The following SUMF2 variants were observed in gnomAD, a reference collection of about 807,000 sequenced individuals.
The protein encoded by SUMF2 is sulfatase modifying factor 2, also known as inactive C-alpha-formylglycine-generating enzyme 2.
In SUMF2, 45 loss-of-function variants were observed where a neutral mutation model predicts 44.8. The ratio of observed to expected loss-of-function variants is 1.00; its 90% CI spans 0.79 to 1.29. The LOEUF (loss-of-function observed/expected upper bound fraction) is 1.29, where lower values mean the gene tolerates loss of function less well. Ranked by LOEUF, SUMF2 falls within the 50% of genes most tolerant of loss-of-function variation. The pLI, the probability that SUMF2 is intolerant of heterozygous loss-of-function variation, is 0.00. For synonymous variants in SUMF2, 148 were observed against 150.4 expected, an observed-to-expected ratio of 0.98 and a Z score of 0.12; for missense variants, 418 against 389.9, an observed-to-expected ratio of 1.07 and a Z score of -0.61.
intron 2 of SUMF2, among the ~76,000 whole-genome samples, chr7:56,072,488 G>A (rs1324950065): frequency 1.3e-5 from 2 of 150,500 alleles, no homozygotes; most frequent in African/African-American, 4.9e-5. Context: ...CCTTTGGGAG[G>A]CCGAGGCAGG....
chr7:56,083,227 G>A (rs1277490610), downstream of SUMF2: 1 of 1,563,876 alleles, frequency 6.4e-7, no homozygotes, highest in African/African-American at 1.4e-5. Context: ...TCTGCAGATG[G>A]TTGATTGAGC....
chr7:56,065,991 G>A (rs1448111450), intron 1 of SUMF2, among the ~76,000 whole-genome samples: 7 of 141,110 alleles, frequency 5.0e-5, no homozygotes, highest in African/African-American at 1.9e-4. Context: ...TGAGGCGGGA[G>A]AATCGCTTGA....
At chr7:56,065,504 T>A (rs1156381524) in intron 1 of SUMF2, among the ~76,000 whole-genome samples, 1 of 152,254 alleles carries the variant, frequency 6.6e-6, no homozygotes, top group Non-Finnish European at 1.5e-5. Context: ...GCTGGCTGAA[T>A]TAGGGACAAA....
At position 56,071,812 on chromosome 7, in the gene SUMF2, A is replaced by ATAAATAAATAAATAAT. The variant is rs1175317309; in HGVS notation, c.225-1182_225-1181insATAAATAAATAATTAA. ...AATAAATAAATAAATAAATAAATAA[A>ATAAATAAATAAATAAT]TAATTAAATAAAAAATAATTTGGGC... is the stretch of plus-strand genomic sequence containing the variant. On this transcript the variant is annotated intron_variant, in intron 2 of 8. Coordinates refer to ENST00000434526, the MANE Select transcript of SUMF2 (RefSeq NM_015411.4). Among the ~76,000 whole-genome samples, 97 of 149,702 alleles carry ATAAATAAATAAATAAT rather than the reference A, an allele frequency of 6.5e-4. 1 individual carries two copies. Among genetic ancestry groups the ATAAATAAATAAATAAT allele is most frequent in the African/African-American group, 2.3e-3 (93 of 40,660 alleles).
At chr7:56,074,331 T>C in intron 4 of SUMF2, 113 bp downstream of exon 4, 1 of 1,232,782 alleles carries the variant, frequency 8.1e-7, no homozygotes, top group Non-Finnish European at 1.2e-6. Context: ...CAAAGAAGGA[T>C]AGGGGAATAT....
At chr7:56,064,548 A>G (rs1759106355) in intron 1 of SUMF2, among the ~76,000 whole-genome samples, 170 bp downstream of exon 1, 1 of 151,616 alleles carries the variant, frequency 6.6e-6, no homozygotes, top group South Asian at 2.1e-4. Flanking sequence ...ATACTTTTCA[A>G]CTTCTTGTTG....
At chr7:56,073,881 C>T (rs1046368828) in intron 3 of SUMF2, 2 of 466,118 alleles carry the variant, frequency 4.3e-6, no homozygotes, top group Non-Finnish European at 7.6e-6. Flanking sequence ...TGGGCATGGT[C>T]ATGCACACCT....
At chr7:56,087,585 G>A in the SUMF2 span, 2 of 1,610,114 alleles carry the variant, frequency 1.2e-6, no homozygotes, top group South Asian at 2.2e-5. Flanking sequence ...TGTGGCTTGG[G>A]GCCATCACTC....
rs1247222774 is a variant in SUMF2, at chr7:56,080,379, T to G, written c.*767T>G. The G allele has an allele frequency of 2.0e-5, 3 of 148,974 alleles. No individual in the cohort carries two copies. The highest frequency in any genetic ancestry group is 7.7e-5 in the African/African-American group (3 of 38,884). The allele number at this position is 148,974 out of a possible 1,614,324, so 9.2% of individuals were successfully genotyped here. On this transcript the variant is annotated 3_prime_UTR_variant, in exon 9 of 9. Coordinates refer to ENST00000434526, the MANE Select transcript of SUMF2 (RefSeq NM_015411.4). ...CCTGGGCCCAAGCAATTCTCCCACC[T>G]CAGCCTCCTGAGTAGCTGGGACTAC...
At chr7:56,081,186 G>T, downstream of SUMF2, 1 of 1,613,938 alleles carries the variant, frequency 6.2e-7, no homozygotes, top group Non-Finnish European at 8.5e-7. The surrounding 1 kb of genome is among the most constrained non-coding windows in gnomAD (Gnocchi z 4.6). Context: ...CGATGAGCCG[G>T]CGCAGAGGCC....
intron 5 of SUMF2, chr7:56,076,617 A>C (rs1795566994): frequency 2.3e-6 from 1 of 437,020 alleles, no homozygotes; most frequent in South Asian, 5.6e-5. Context: ...AACCATGCTT[A>C]GGATTACATT....
At chr7:56,081,430 C>T, downstream of SUMF2, 2 of 1,296,978 alleles carry the variant, frequency 1.5e-6, no homozygotes, top group Admixed American at 2.4e-5. The surrounding 1 kb of genome is among the most constrained non-coding windows in gnomAD (Gnocchi z 4.6). Flanking sequence ...CCTAGTGTCC[C>T]CCACTTCCCA....
intron 1 of SUMF2, among the ~76,000 whole-genome samples, chr7:56,066,443 TTTTATTTA>T (rs1156522347): frequency 6.6e-6 from 1 of 152,066 alleles, no homozygotes; most frequent in African/African-American, 2.4e-5. Flanking sequence ...CTTTTTTATT[TTTTATTTA>T]TTTATTTATT....
chr7:56,073,236 C>T (rs1427142090), intron 3 of SUMF2, 125 bp downstream of exon 3: 1 of 757,252 alleles, frequency 1.3e-6, no homozygotes, highest in Middle Eastern at 2.2e-4. Context: ...AGAGGGGAAG[C>T]AAGAGAAACT....
At chr7:56,081,062 C>G (rs764260559), downstream of SUMF2, 2 of 1,612,110 alleles carry the variant, frequency 1.2e-6, no homozygotes, top group African/African-American at 2.7e-5. This position sits in a 1 kb window ranked among gnomAD's most constrained non-coding sequence, Gnocchi z 4.6. Context: ...CCTCAGTAGT[C>G]CTCCTCGGCC....
At chr7:56,081,356 C>T (rs1795977713), downstream of SUMF2, 1 of 1,554,356 alleles carries the variant, frequency 6.4e-7, no homozygotes, top group Non-Finnish European at 8.6e-7. The surrounding 1 kb of genome is among the most constrained non-coding windows in gnomAD (Gnocchi z 4.6). Flanking sequence ...GGCCCTGCCC[C>T]TCCAGCACAG....
the SUMF2 span, chr7:56,087,103 C>T: frequency 2.1e-5 from 23 of 1,072,674 alleles, no homozygotes; most frequent in East Asian, 2.6e-4. Context: ...GGTCAGGGAC[C>T]GAGGCTGCTG....
chr7:56,079,766 C>T lies in SUMF2; in HGVS notation c.*154C>T. ...ATCCCTCTGTGGCAGGCGCCTCTCA[C>T]CAGGGCAGGAGAGGACTCAGCCTCC... On this transcript the variant is annotated 3_prime_UTR_variant, in exon 9 of 9. Coordinates refer to ENST00000434526, the MANE Select transcript of SUMF2 (RefSeq NM_015411.4). 1 of 1,560,098 alleles carries T rather than the reference C, an allele frequency of 6.4e-7. No homozygotes were observed. Among genetic ancestry groups the T allele is most frequent in the Middle Eastern group, 1.7e-4 (1 of 6,000 alleles).
In SUMF2 at chr7:56,076,116, T is replaced by C. The variant is rs370818904; in HGVS notation, c.536-718T>C. On this transcript the variant is annotated intron_variant, in intron 5 of 8. Transcript: ENST00000434526. ...ATCGCGGCTCACTGCAAGCTCCGCC[T>C]CCCGGGTTCACGCCATTCTCCTGCC... 9.9e-5 allele frequency among the ~76,000 whole-genome samples: 15 copies of C among 150,850 alleles called. No homozygotes were observed. In the East Asian group the frequency reaches 2.7e-3, roughly 28 times the overall value.
Sources: allele counts gnomAD v4.1 joint callset (sites outside exome capture counted in the v4.1 genomes callset), GRCh38; gene constraint gnomAD v4.1.1; non-coding constraint Gnocchi (gnomAD v3.1); transcripts MANE v1.5; gene names NCBI Gene and HGNC (gene_info 2026-07-23, HGNC 2026-07-21).